PTPRT: variants seen among roughly 807,000 people sequenced by gnomAD.
The protein encoded by PTPRT is protein tyrosine phosphatase receptor type T.
A neutral mutation model predicts 176.8 loss-of-function variants in PTPRT; 56 were observed. That is an observed-to-expected ratio of 0.32 (90% CI 0.26 to 0.40). The LOEUF (loss-of-function observed/expected upper bound fraction) is 0.40. PTPRT is among the 10% of genes least tolerant of loss of function. The pLI, the probability that PTPRT is intolerant of heterozygous loss-of-function variation, is 1.00. For missense variants in PTPRT, 1,540 were observed against 1,908.2 expected, an observed-to-expected ratio of 0.81 and a Z score of 3.60; for synonymous variants, 783 against 739.0, an observed-to-expected ratio of 1.06 and a Z score of -0.96.
chr20:43,048,292 G>A (rs1294042978), intron 1 of PTPRT, among the ~76,000 whole-genome samples: 1 of 152,162 alleles, frequency 6.6e-6, no homozygotes, highest in Non-Finnish European at 1.5e-5. Context: ...CTGGTGCCAG[G>A]GGTTGGTGGA....
At chr20:42,510,919 G>A (rs1330956010) in intron 7 of PTPRT, among the ~76,000 whole-genome samples, 1 of 152,148 alleles carries the variant, frequency 6.6e-6, no homozygotes, top group South Asian at 2.1e-4. Context: ...AATCCCCAAT[G>A]TGGCAATCAC....
chr20:43,062,836 A>G (rs79214860), intron 1 of PTPRT, among the ~76,000 whole-genome samples: 14,337 of 152,214 alleles, frequency 0.094, 766 homozygotes, highest in Middle Eastern at 0.14. Flanking sequence ...AAGGTCATTG[A>G]GGGGAAAAGA....
chr20:42,403,908 T>C lies in PTPRT; in HGVS notation c.1560+44312A>G, dbSNP rs189099884. ...AAAATACTGGGCTCTTTTCTCCTCATTCTATGGGAGTCTACCTCCTCACCC... is the reference window on the plus strand; with the variant it reads ...AAAATACTGGGCTCTTTTCTCCTCACTCTATGGGAGTCTACCTCCTCACCC... On this transcript the variant is annotated intron_variant, in intron 9 of 30. Coordinates refer to ENST00000373187, the MANE Select transcript of PTPRT (RefSeq NM_007050.6). Among the ~76,000 whole-genome samples, 807 of 152,240 alleles carry C rather than the reference T, an allele frequency of 5.3e-3. 7 individuals carry two copies. The highest frequency in any genetic ancestry group is 9.3e-3 in the Non-Finnish European group (633 of 68,006).
At position 42,102,117 on chromosome 20, in the gene PTPRT, G is replaced by A. The variant is rs537538033; in HGVS notation, c.3714+7C>T. The A allele has an allele frequency of 6.2e-6, 10 of 1,605,796 alleles. No homozygotes were observed. Among genetic ancestry groups the A allele is most frequent in the Admixed American group, 1.7e-5 (1 of 59,860 alleles). ...AGCTAGGAGCTTTCTGCCCGGGCTC[G>A]GCTTACATCCATCAGTGCTGCGTTG... is the stretch of plus-strand genomic sequence containing the variant. On this transcript the variant is annotated splice_region_variant and intron_variant, in intron 26 of 30. Coordinates refer to ENST00000373187, the MANE Select transcript of PTPRT (RefSeq NM_007050.6).
At chr20:42,668,858 A>ATTTTTTTT (rs755121515) in intron 7 of PTPRT, among the ~76,000 whole-genome samples, 566 of 81,210 alleles carry the variant, frequency 7.0e-3, no homozygotes, top group African/African-American at 0.014. Flanking sequence ...CGCCCAGCTA[A>ATTTTTTTT]TTTTTTTTTT....
intron 7 of PTPRT, among the ~76,000 whole-genome samples, chr20:42,644,714 C>T (rs1188268205): frequency 6.6e-6 from 1 of 152,090 alleles, no homozygotes; most frequent in Non-Finnish European, 1.5e-5. Context: ...CAGGGACTTT[C>T]TGGGAGGTAG....
intron 9 of PTPRT, among the ~76,000 whole-genome samples, chr20:42,396,189 C>T (rs2058847334): frequency 6.6e-6 from 1 of 152,194 alleles, no homozygotes; most frequent in South Asian, 2.1e-4. Context: ...GCAACTCCAT[C>T]CTTCCATTTG....
chr20:42,257,498 CCTCCA>C (rs777948194), intron 13 of PTPRT, among the ~76,000 whole-genome samples: 2 of 152,094 alleles, frequency 1.3e-5, no homozygotes, highest in Non-Finnish European at 2.9e-5. Flanking sequence ...CAAAATGTAA[CCTCCA>C]GTGTTGGAGG....
chr20:42,203,710 C>T (rs1374694373), intron 15 of PTPRT, among the ~76,000 whole-genome samples: 1 of 152,198 alleles, frequency 6.6e-6, no homozygotes, highest in African/African-American at 2.4e-5. Context: ...CCACATGGAA[C>T]ATGAAGACTA....
rs1379877541 is a variant in PTPRT at position 42,771,625 on chromosome 20, C to T, written c.569-75G>A. 9 of 1,238,970 alleles carry T rather than the reference C, an allele frequency of 7.3e-6. No individual in the cohort carries two copies. The African/African-American group carries it at 1.3e-4, about 18-fold the overall frequency. The allele number at this position is 1,238,970 out of a possible 1,614,324, so 76.7% of individuals were successfully genotyped here. On this transcript the variant is annotated intron_variant, in intron 4 of 30. Transcript: ENST00000373187. ...CCACTTCCCTATTGGTGGATGGCAG[C>T]TCAGGATGGGCACTGGGCAGGGTGG...
chr20:42,818,014 G>C (rs1350004751), intron 2 of PTPRT, among the ~76,000 whole-genome samples: 3 of 152,136 alleles, frequency 2.0e-5, no homozygotes, highest in Non-Finnish European at 2.9e-5. Flanking sequence ...TCTCCACCAA[G>C]TGACAAAGTG....
At chr20:42,932,378 G>A (rs1424287480) in intron 1 of PTPRT, among the ~76,000 whole-genome samples, 1 of 152,212 alleles carries the variant, frequency 6.6e-6, no homozygotes, top group Non-Finnish European at 1.5e-5. Flanking sequence ...GAAGGTGTCA[G>A]GCCTTTAAAA....
chr20:42,377,469 C>G (rs2058662764), intron 9 of PTPRT, among the ~76,000 whole-genome samples: 1 of 152,232 alleles, frequency 6.6e-6, no homozygotes, highest in Non-Finnish European at 1.5e-5. Context: ...TACGACCAAA[C>G]TGAACTCTGA....
In PTPRT at chr20:43,179,713, T is replaced by G. The variant is rs146098588; in HGVS notation, c.88+9933A>C. ...CTAAGGCCTTTAAAGAGTGAAAGCC[T>G]GACACTGAACTGGCATTAGTGCCCC... On this transcript the variant is annotated intron_variant, in intron 1 of 30. Coordinates refer to ENST00000373187, the MANE Select transcript of PTPRT (RefSeq NM_007050.6). Among the ~76,000 whole-genome samples, 617 of 152,344 alleles carry G rather than the reference T, an allele frequency of 4.1e-3. 4 individuals carry two copies. Among genetic ancestry groups the G allele is most frequent in the African/African-American group, 0.014 (597 of 41,586 alleles).
intron 2 of PTPRT, among the ~76,000 whole-genome samples, chr20:42,883,663 A>ATATACCCATACACC (rs1261277638): frequency 4.6e-3 from 48 of 10,358 alleles, no homozygotes; most frequent in African/African-American, 6.5e-3. Context: ...ATATACACAC[A>ATATACCCATACACC]CCCATACAAA....
chr20:42,325,840 A>G (rs1371675541), intron 11 of PTPRT, among the ~76,000 whole-genome samples: 1 of 151,998 alleles, frequency 6.6e-6, no homozygotes, highest in Non-Finnish European at 1.5e-5. Flanking sequence ...CTCTGATCTT[A>G]CTCTTCTAAT....
chr20:42,662,532 C>A (rs1010842814), intron 7 of PTPRT, among the ~76,000 whole-genome samples: 1 of 152,114 alleles, frequency 6.6e-6, no homozygotes, highest in Admixed American at 6.6e-5. Flanking sequence ...GTAAGCCTTG[C>A]AGAGCATTAT....
chr20:43,012,883 C>A (rs1182929130), intron 1 of PTPRT, among the ~76,000 whole-genome samples: 8 of 151,980 alleles, frequency 5.3e-5, no homozygotes, highest in Admixed American at 1.3e-4. Context: ...GCATCTCATG[C>A]CCCAGGGCTC....
intron 4 of PTPRT, among the ~76,000 whole-genome samples, chr20:42,775,736 C>T (rs1400340878): frequency 6.6e-6 from 1 of 152,168 alleles, no homozygotes; most frequent in Non-Finnish European, 1.5e-5. Context: ...AAATCAGTCA[C>T]TCGCTCCCTG....
Sources: gnomAD v4.1 joint callset for allele counts (sites outside exome capture counted in the v4.1 genomes callset) on GRCh38, gnomAD v4.1.1 for gene constraint, MANE v1.5 for transcripts, NCBI Gene and HGNC (gene_info 2026-07-23, HGNC 2026-07-21) for gene names.